The following PLD5 variants were observed in gnomAD, a reference collection of about 807,000 sequenced individuals.
The protein encoded by PLD5 is phospholipase D family member 5, also known as inactive phospholipase D5.
A neutral mutation model predicts 61.1 loss-of-function variants in PLD5; 36 were observed. The observed-to-expected ratio is 0.59, with a 90% CI of 0.45 to 0.78. The LOEUF is 0.78. Ranked by LOEUF, PLD5 falls within the 30% of genes least tolerant of loss-of-function variation. The pLI is 0.00. For synonymous variants in PLD5, 243 were observed against 242.8 expected (o/e 1.00, Z -0.01); for missense variants, 515 against 644.4 (o/e 0.80, Z 2.17).
At chr1:242,452,850 T>C (rs1666830062) in intron 1 of PLD5, among the ~76,000 whole-genome samples, 2 of 151,096 alleles carry the variant, frequency 1.3e-5, no homozygotes, top group Admixed American at 1.3e-4. Context: ...AAGCCAGTCC[T>C]TTCCTCTGCA....
chr1:242,362,123 C>T (rs1161476492), intron 1 of PLD5, among the ~76,000 whole-genome samples: 1 of 152,054 alleles, frequency 6.6e-6, no homozygotes, highest in Admixed American at 6.6e-5. Context: ...TTTACCATGA[C>T]AATTTTTTTA....
intron 1 of PLD5, among the ~76,000 whole-genome samples, chr1:242,502,672 C>T (rs967220357): frequency 6.6e-6 from 1 of 151,446 alleles, no homozygotes; most frequent in Non-Finnish European, 1.5e-5. Context: ...TGTGTATGTG[C>T]GTGTGTGTGT....
chr1:242,334,999 C>T (rs1452689302), intron 2 of PLD5, among the ~76,000 whole-genome samples: 4 of 152,138 alleles, frequency 2.6e-5, no homozygotes, highest in Non-Finnish European at 4.4e-5. Flanking sequence ...AAGGACATGA[C>T]CTGCCCTTTT....
intron 1 of PLD5, among the ~76,000 whole-genome samples, chr1:242,407,667 C>A (rs1664317580): frequency 6.6e-6 from 1 of 151,542 alleles, no homozygotes; most frequent in Non-Finnish European, 1.5e-5. Context: ...GCAACCTCTG[C>A]CTATGGGGCT....
At chr1:242,289,428 A>T (rs1234544885) in intron 2 of PLD5, among the ~76,000 whole-genome samples, 2 of 152,116 alleles carry the variant, frequency 1.3e-5, no homozygotes, top group Admixed American at 6.5e-5. Flanking sequence ...GGCTCACTGC[A>T]TCCTCCGCCT....
chr1:242,419,444 G>A (rs1406696786), intron 1 of PLD5, among the ~76,000 whole-genome samples: 1 of 145,844 alleles, frequency 6.9e-6, no homozygotes, highest in East Asian at 2.0e-4. Context: ...TGCCCAGGCT[G>A]GAGTGCAATG....
chr1:242,268,700 C>T (rs1673865418), intron 3 of PLD5, among the ~76,000 whole-genome samples: 1 of 152,130 alleles, frequency 6.6e-6, no homozygotes, highest in Non-Finnish European at 1.5e-5. Flanking sequence ...TCTATTAAAT[C>T]GTCTTCAGTG....
intron 1 of PLD5, among the ~76,000 whole-genome samples, chr1:242,358,200 A>G (rs1660865040): frequency 1.3e-5 from 2 of 152,190 alleles, no homozygotes; most frequent in African/African-American, 2.4e-5. Context: ...AACTTTGTTA[A>G]GAGGATTATT....
At chr1:242,247,196 A>T (rs913295109) in intron 4 of PLD5, among the ~76,000 whole-genome samples, 13 of 152,032 alleles carry the variant, frequency 8.6e-5, no homozygotes, top group Non-Finnish European at 1.2e-4. Context: ...GTTAGCCAGG[A>T]TGGTCTCCAT....
chr1:242,089,583 T>C lies in PLD5; in HGVS notation c.*271A>G, dbSNP rs921222726. The C allele has an allele frequency of 1.8e-6, 1 of 544,948 alleles. No homozygotes were observed. The highest frequency in any genetic ancestry group is 1.9e-5 in the African/African-American group (1 of 52,846). The allele number at this position is 544,948 out of a possible 1,614,324, so 33.8% of individuals were successfully genotyped here. A position where few individuals can be genotyped will look rare whatever the true frequency, so the allele number is the denominator to read the frequency against. On this transcript the variant is annotated 3_prime_UTR_variant, in exon 10 of 10. Transcript: ENST00000536534. ...TTCTAAAACTAGAAAGGAGCAGGAA[T>C]GAAAGTCTTAAAATTTGTATGCAAA...
intron 1 of PLD5, among the ~76,000 whole-genome samples, chr1:242,476,214 A>T (rs1163130387): frequency 1.3e-5 from 2 of 151,922 alleles, no homozygotes; most frequent in Non-Finnish European, 2.9e-5. Context: ...AATTAGCCAG[A>T]CATGGTGGTG....
chr1:242,168,846 GTTTT>G (rs34280777), intron 5 of PLD5, among the ~76,000 whole-genome samples: 28 of 111,270 alleles, frequency 2.5e-4, no homozygotes, highest in South Asian at 2.5e-3. Context: ...AATTAATGAA[GTTTT>G]TTTTTTTTTT....
At chr1:242,190,291 A>G (rs963190482) in intron 5 of PLD5, among the ~76,000 whole-genome samples, 3 of 151,610 alleles carry the variant, frequency 2.0e-5, no homozygotes, top group African/African-American at 7.3e-5. Flanking sequence ...GACTACAGGC[A>G]CCTGCCACCA....
chr1:242,303,779 A>G (rs1411742835), intron 2 of PLD5, among the ~76,000 whole-genome samples: 1 of 152,216 alleles, frequency 6.6e-6, no homozygotes, highest in African/African-American at 2.4e-5. Flanking sequence ...ACCAGATCTT[A>G]CCCAGTAACT....
At chr1:242,308,507 A>G (rs1676507967) in intron 2 of PLD5, among the ~76,000 whole-genome samples, 1 of 152,232 alleles carries the variant, frequency 6.6e-6, no homozygotes, top group Non-Finnish European at 1.5e-5. Flanking sequence ...TCATAAAATT[A>G]TTTAAACATA....
At chr1:242,306,772 CACACACACACACACA>C in intron 2 of PLD5, among the ~76,000 whole-genome samples, 1 of 132,344 alleles carries the variant, frequency 7.6e-6, no homozygotes, top group East Asian at 2.4e-4. Context: ...CACACACACA[CACACACACACACACA>C]CACACCCCAC....
At chr1:242,285,379 T>G (rs1674963920) in intron 3 of PLD5, among the ~76,000 whole-genome samples, 1 of 152,118 alleles carries the variant, frequency 6.6e-6, no homozygotes, top group African/African-American at 2.4e-5. Context: ...GTGCCTGCAA[T>G]CCCAGCTACT....
At chr1:242,499,434 C>T (rs1291800572) in intron 1 of PLD5, among the ~76,000 whole-genome samples, 1 of 152,176 alleles carries the variant, frequency 6.6e-6, no homozygotes, top group Non-Finnish European at 1.5e-5. Context: ...TAGCCTTTCT[C>T]TATCTATATC....
intron 5 of PLD5, among the ~76,000 whole-genome samples, chr1:242,174,737 A>C (rs1574453057): frequency 6.6e-6 from 1 of 152,130 alleles, no homozygotes; most frequent in East Asian, 1.9e-4. Flanking sequence ...TGATGAGTTC[A>C]TGTCCTTTGT....
Sources: allele counts gnomAD v4.1 joint callset (sites outside exome capture counted in the v4.1 genomes callset), GRCh38; gene constraint gnomAD v4.1.1; transcripts MANE v1.5; gene names NCBI Gene and HGNC (gene_info 2026-07-23, HGNC 2026-07-21).